The following CNOT10 variants were observed in gnomAD, a reference collection of about 807,000 sequenced individuals.
CNOT10 encodes the protein CCR4-NOT transcription complex subunit 10.
CNOT10 carries 30 observed loss-of-function variants against 94.6 expected under a neutral mutation model. The observed-to-expected ratio is 0.32, with a 90% CI of 0.24 to 0.43. CNOT10 has a LOEUF of 0.43. Among genes scored for constraint, CNOT10 ranks in the 20% least tolerant of loss-of-function variants. The pLI is 1.00. For synonymous variants in CNOT10, 289 were observed against 301.6 expected (o/e 0.96, Z 0.43); for missense variants, 759 against 877.2 (o/e 0.87, Z 1.70).
intron 1 of CNOT10, among the ~76,000 whole-genome samples, chr3:32,690,139 G>A (rs1696789674): frequency 6.6e-6 from 1 of 152,164 alleles, no homozygotes; most frequent in Non-Finnish European, 1.5e-5. Context: ...GCATGATGGT[G>A]TGATCTGATT....
At chr3:32,739,104 C>T (rs976598699) in intron 13 of CNOT10, among the ~76,000 whole-genome samples, 10 of 152,026 alleles carry the variant, frequency 6.6e-5, no homozygotes, top group Non-Finnish European at 1.5e-4. Context: ...CGGGGTTTTA[C>T]CATGTTAGCC....
At chr3:32,738,872 G>A (rs1385559371) in intron 13 of CNOT10, among the ~76,000 whole-genome samples, 1 of 149,716 alleles carries the variant, frequency 6.7e-6, no homozygotes, top group Non-Finnish European at 1.5e-5. Context: ...CCTTTTTAAT[G>A]TCTGTAGAAT....
intron 6 of CNOT10, among the ~76,000 whole-genome samples, chr3:32,716,544 G>A (rs1202500121): frequency 2.0e-5 from 3 of 152,222 alleles, no homozygotes; most frequent in East Asian, 3.9e-4. Flanking sequence ...GAAATGGCAC[G>A]GGAATGTACT....
At position 32,725,650 on chromosome 3, in the gene CNOT10, G is replaced by A. The variant is rs141044437; in HGVS notation, c.1012+51G>A. On this transcript the variant is annotated intron_variant, in intron 9 of 18. Coordinates refer to ENST00000328834, the MANE Select transcript of CNOT10 (RefSeq NM_015442.3). ...TGTATTTACTACTTCAGAAAAGCAT[G>A]ATTTAAAAAGCATGAATGTGGTTAA... 2.6e-4 allele frequency: 396 copies of A among 1,509,718 alleles called. 9 individuals are homozygous for A. In the East Asian group the frequency reaches 8.2e-3, roughly 31 times the overall value. 93.5% of individuals were successfully genotyped at this position (1,509,718 alleles called of 1,614,324 possible).
At chr3:32,769,600 T>C (rs1700808372) in intron 17 of CNOT10, 1 of 315,202 alleles carries the variant, frequency 3.2e-6, no homozygotes, top group African/African-American at 2.1e-5. Flanking sequence ...TAATTGCAAC[T>C]GTATGTGTCT....
chr3:32,694,231 G>A (rs1696962387), intron 1 of CNOT10, among the ~76,000 whole-genome samples: 1 of 151,898 alleles, frequency 6.6e-6, no homozygotes, highest in South Asian at 2.1e-4. Context: ...ATCCCTGAAA[G>A]TGTAGTCTTG....
chr3:32,708,581 C>G, intron 3 of CNOT10, 89 bp from the exon 4 acceptor site: 1 of 1,092,660 alleles, frequency 9.2e-7, no homozygotes, highest in South Asian at 1.5e-5. Flanking sequence ...GAATGTTGGC[C>G]TATGTTCCTT....
At chr3:32,703,375 C>T (rs1697461860) in intron 1 of CNOT10, among the ~76,000 whole-genome samples, 1 of 152,088 alleles carries the variant, frequency 6.6e-6, no homozygotes, top group Admixed American at 6.5e-5. Flanking sequence ...TACTTGAAAC[C>T]ACAGATAGTA....
At chr3:32,690,768 C>CT (rs991933203) in intron 1 of CNOT10, among the ~76,000 whole-genome samples, 7 of 151,958 alleles carry the variant, frequency 4.6e-5, no homozygotes, top group South Asian at 2.1e-4. Flanking sequence ...AGGCTGGTCT[C>CT]TAACTCCTGA....
intron 13 of CNOT10, chr3:32,753,212 A>G (rs764618809): frequency 3.7e-5 from 26 of 705,380 alleles, no homozygotes; most frequent in African/African-American, 8.8e-5. Flanking sequence ...AGAAATTTTT[A>G]CAGAAGGACA....
chr3:32,739,906 C>G (rs866727096), intron 13 of CNOT10, among the ~76,000 whole-genome samples: 1 of 152,030 alleles, frequency 6.6e-6, no homozygotes, highest in African/African-American at 2.4e-5. Context: ...GCCTGGGCAA[C>G]AAGAGTGAAA....
At chr3:32,753,699 A>AAAT in intron 13 of CNOT10, 1 of 1,589,100 alleles carries the variant, frequency 6.3e-7, no homozygotes, top group Non-Finnish European at 8.6e-7. Flanking sequence ...AAGAAGAAGA[A>AAAT]AATAATGAAA....
chr3:32,734,658 T>A, intron 11 of CNOT10, 142 bp from the exon 12 acceptor site: 1 of 654,954 alleles, frequency 1.5e-6, no homozygotes, highest in East Asian at 2.8e-5. Flanking sequence ...TTAGCATGCT[T>A]TTATAACTGC....
intron 6 of CNOT10, among the ~76,000 whole-genome samples, chr3:32,716,688 C>T (rs1466144049): frequency 1.3e-5 from 2 of 152,150 alleles, no homozygotes; most frequent in African/African-American, 2.4e-5. Context: ...CACTCTGTCA[C>T]CCAAGCTGCA....
rs764492955 is a variant in CNOT10, at chr3:32,773,563, G to T, written c.2187G>T (p.Pro729=). 1.2e-6 allele frequency: 2 copies of T among 1,613,996 alleles called. No individual in the cohort carries two copies. The highest frequency in any genetic ancestry group is 1.7e-6 in the Non-Finnish European group (2 of 1,180,012). ...AGCCAGTGTTTCAGCCTGTCCACCCGATCCAGCCCATCCAAATGCCGGCTT... is the reference window on the plus strand; with the variant it reads ...AGCCAGTGTTTCAGCCTGTCCACCCTATCCAGCCCATCCAAATGCCGGCTT... ...RKKPVFQPVH[P]IQPIQMPAFT... Residue 729 remains proline, a synonymous_variant, in exon 19 of 19, where the codon CCG becomes CCT. Transcript: ENST00000328834.
chr3:32,701,089 A>G (rs1275781841), intron 1 of CNOT10, among the ~76,000 whole-genome samples: 1 of 152,250 alleles, frequency 6.6e-6, no homozygotes, highest in Non-Finnish European at 1.5e-5. Context: ...AGCCTGACCA[A>G]CATGGCAAAA....
At chr3:32,731,178 G>A (rs1698931439) in intron 10 of CNOT10, 1 of 152,054 alleles carries the variant, frequency 6.6e-6, no homozygotes, top group Non-Finnish European at 1.5e-5. Context: ...ATATTGCATG[G>A]CCTTCTCTAT....
chr3:32,757,168 T>A (rs1271620012), intron 13 of CNOT10, among the ~76,000 whole-genome samples: 11 of 106,310 alleles, frequency 1.0e-4, no homozygotes, highest in South Asian at 3.6e-4. Flanking sequence ...GGCCCTGAAC[T>A]AATTTTTTTT....
intron 9 of CNOT10, among the ~76,000 whole-genome samples, chr3:32,727,396 C>G (rs548166696): frequency 6.6e-6 from 1 of 152,248 alleles, no homozygotes; most frequent in East Asian, 1.9e-4. Context: ...GGTCCCATCA[C>G]TTATCTTTGC....
Sources: allele counts gnomAD v4.1 joint callset (sites outside exome capture counted in the v4.1 genomes callset), GRCh38; gene constraint gnomAD v4.1.1; transcripts MANE v1.5; gene names NCBI Gene and HGNC (gene_info 2026-07-23, HGNC 2026-07-21).